SLC24A2: variants seen among roughly 807,000 people sequenced by gnomAD.
The protein encoded by SLC24A2 is sodium/potassium/calcium exchanger 2.
SLC24A2 carries 36 observed loss-of-function variants against 62.0 expected under a neutral mutation model. The observed-to-expected ratio is 0.58, with a 90% confidence interval of 0.44 to 0.77. The LOEUF (loss-of-function observed/expected upper bound fraction) is 0.77, where lower values mean the gene tolerates loss of function less well. SLC24A2 is among the 30% of genes least tolerant of loss of function. The probability of loss-of-function intolerance (pLI) is 0.00; values close to 1 mark genes in which losing one functional copy is unlikely to be tolerated. For missense variants in SLC24A2, 846 were observed against 817.9 expected, an observed-to-expected ratio of 1.03 and a Z score of -0.42; for synonymous variants, 358 against 294.0, an observed-to-expected ratio of 1.22 and a Z score of -2.23.
At chr9:20,106,456 A>G in the SLC24A2 span, among the ~76,000 whole-genome samples, 1 of 152,246 alleles carries the variant, frequency 6.6e-6, no homozygotes, top group East Asian at 1.9e-4. Context: ...TCAATAAAAT[A>G]CTGGCAAACC....
chr9:19,565,007 C>A (rs1231556176), intron 7 of SLC24A2, among the ~76,000 whole-genome samples: 2 of 152,104 alleles, frequency 1.3e-5, no homozygotes, highest in Non-Finnish European at 2.9e-5. Flanking sequence ...TCAAACCTGG[C>A]TAAATTCTCA....
Position 19,636,281 on chromosome 9 carries a change from C to CTTTTCTTTTCTTTTCTTTTCTT in SLC24A2, c.931-13983_931-13982insAAGAAAAGAAAAGAAAAGAAAA, listed in dbSNP as rs768881798. 5.5e-4 allele frequency among the ~76,000 whole-genome samples: 41 copies of CTTTTCTTTTCTTTTCTTTTCTT among 74,152 alleles called. 4 individuals are homozygous for CTTTTCTTTTCTTTTCTTTTCTT. The highest frequency in any genetic ancestry group is 1.8e-3 in the South Asian group (4 of 2,182). 48.6% of individuals were successfully genotyped at this position (74,152 alleles called of 152,430 possible). On this transcript the variant is annotated intron_variant, in intron 2 of 10. Transcript: ENST00000341998. ...TTTTCTTTTCTTCTCTTCTTCTCTT[C>CTTTTCTTTTCTTTTCTTTTCTT]TTCTCTTCTTTTCTTTTCTTTTCTT...
At chr9:19,947,848 G>GAAAGAAAGAAAGAAAGAAAGAAAT in the SLC24A2 span, among the ~76,000 whole-genome samples, 11 of 145,436 alleles carry the variant, frequency 7.6e-5, no homozygotes, top group Admixed American at 2.1e-4. Flanking sequence ...AAGAAAGAAA[G>GAAAGAAAGAAAGAAAGAAAGAAAT]AAATTAGTTC....
At chr9:19,697,250 A>T (rs1176879358) in intron 2 of SLC24A2, among the ~76,000 whole-genome samples, 1 of 152,172 alleles carries the variant, frequency 6.6e-6, no homozygotes, top group Admixed American at 6.5e-5. Flanking sequence ...ATATGGACAC[A>T]TGGTGGGGAA....
chr9:20,019,275 GAAAGAAAGAA>G, the SLC24A2 span, among the ~76,000 whole-genome samples: 1 of 148,420 alleles, frequency 6.7e-6, no homozygotes, highest in Admixed American at 6.7e-5. Flanking sequence ...AAGAAAGAAA[GAAAGAAAGAA>G]AGAAAGAAAG....
chr9:19,773,443 C>G (rs1410737715), intron 2 of SLC24A2, among the ~76,000 whole-genome samples: 3 of 152,144 alleles, frequency 2.0e-5, no homozygotes, highest in African/African-American at 7.2e-5. Flanking sequence ...CCTTACCTAC[C>G]CTGATGCCCA....
chr9:19,969,834 G>T, the SLC24A2 span, among the ~76,000 whole-genome samples: 1 of 152,278 alleles, frequency 6.6e-6, no homozygotes, highest in Admixed American at 6.5e-5. Flanking sequence ...AAATCCAATT[G>T]TTGAGAATAT....
At chr9:19,855,320 G>C in the SLC24A2 span, among the ~76,000 whole-genome samples, 3 of 152,120 alleles carry the variant, frequency 2.0e-5, no homozygotes, top group Non-Finnish European at 4.4e-5. Context: ...GTGTGAATTT[G>C]ATCCTGTCAT....
At chr9:19,907,828 TAA>T in the SLC24A2 span, among the ~76,000 whole-genome samples, 1 of 151,946 alleles carries the variant, frequency 6.6e-6, no homozygotes, top group Admixed American at 6.6e-5. Flanking sequence ...CTCAATGAAA[TAA>T]AAGAGGTTAC....
At chr9:20,006,221 T>C in the SLC24A2 span, among the ~76,000 whole-genome samples, 1 of 151,896 alleles carries the variant, frequency 6.6e-6, no homozygotes, top group African/African-American at 2.4e-5. Flanking sequence ...AAATGTATTC[T>C]AAATTTATCT....
chr9:19,892,770 C>G, the SLC24A2 span, among the ~76,000 whole-genome samples: 6 of 151,870 alleles, frequency 4.0e-5, no homozygotes, highest in Admixed American at 3.9e-4. Flanking sequence ...TGAAGCTTGG[C>G]GAGAACAAGA....
the SLC24A2 span, among the ~76,000 whole-genome samples, chr9:20,280,026 G>C: frequency 6.6e-6 from 1 of 152,244 alleles, no homozygotes; most frequent in Non-Finnish European, 1.5e-5. Flanking sequence ...AGGATTCTAA[G>C]CAGCAGGGTC....
chr9:20,183,866 G>A, the SLC24A2 span, among the ~76,000 whole-genome samples: 5 of 133,476 alleles, frequency 3.7e-5, no homozygotes, highest in Non-Finnish European at 8.4e-5. Context: ...TGCAAACCTT[G>A]TATCACCTGC....
At chr9:19,550,086 T>A (rs190781714) in intron 8 of SLC24A2, 51 bp downstream of exon 8, 6 of 1,586,940 alleles carry the variant, frequency 3.8e-6, no homozygotes, top group Middle Eastern at 1.7e-4. Context: ...ATGCACCCTG[T>A]TATGTACCAT....
chr9:20,187,777 A>G, the SLC24A2 span, among the ~76,000 whole-genome samples: 3 of 152,126 alleles, frequency 2.0e-5, no homozygotes, highest in Non-Finnish European at 1.5e-5. Context: ...CTCAGACCAC[A>G]CCATAATTAA....
intron 2 of SLC24A2, among the ~76,000 whole-genome samples, chr9:19,674,743 A>AT (rs1266063286): frequency 1.3e-5 from 2 of 151,942 alleles, no homozygotes; most frequent in Non-Finnish European, 2.9e-5. Context: ...TTCACTGAAG[A>AT]TTTTTCCCTT....
In SLC24A2 at chr9:19,787,020, C is replaced by A; in HGVS notation, c.-153-1G>T. 7.2e-7 allele frequency: 1 copy of A among 1,383,820 alleles called. No homozygotes were observed. Among genetic ancestry groups the A allele is most frequent in the Non-Finnish European group, 9.3e-7 (1 of 1,071,598 alleles). 85.7% of individuals were successfully genotyped at this position (1,383,820 alleles called of 1,614,324 possible). Reference sequence around the variant, plus strand: ...TCACAGGAAACTTTCATCATTTATGCTTAAATAAAAATAAAAACGAGAATA... The same window carrying A: ...TCACAGGAAACTTTCATCATTTATGATTAAATAAAAATAAAAACGAGAATA... On this transcript the variant is annotated splice_acceptor_variant, in intron 1 of 10. Coordinates refer to ENST00000341998, the MANE Select transcript of SLC24A2 (RefSeq NM_020344.4). LOFTEE classifies it low-confidence loss of function (5UTR_SPLICE).
chr9:19,959,237 A>G, the SLC24A2 span, among the ~76,000 whole-genome samples: 1 of 152,178 alleles, frequency 6.6e-6, no homozygotes, highest in African/African-American at 2.4e-5. Context: ...AGAAAAGACA[A>G]TGTACAAATA....
At chr9:20,068,588 T>C in the SLC24A2 span, among the ~76,000 whole-genome samples, 1 of 152,136 alleles carries the variant, frequency 6.6e-6, no homozygotes, top group African/African-American at 2.4e-5. Flanking sequence ...AGTCTCTCAA[T>C]AAATGTTTTG....
Sources: allele counts gnomAD v4.1 joint callset (sites outside exome capture counted in the v4.1 genomes callset), GRCh38; gene constraint gnomAD v4.1.1; transcripts MANE v1.5; gene names NCBI Gene and HGNC (gene_info 2026-07-23, HGNC 2026-07-21).